Variants in CAMK1D observed in about 807,000 individuals in gnomAD.
The protein encoded by CAMK1D is calcium/calmodulin-dependent protein kinase type 1D.
CAMK1D carries 9 observed loss-of-function variants against 47.7 expected under a neutral mutation model. The observed-to-expected ratio is 0.19, with a 90% CI of 0.11 to 0.33. CAMK1D has a LOEUF of 0.33. Among genes scored for constraint, CAMK1D ranks in the 10% least tolerant of loss-of-function variants. The probability of loss-of-function intolerance (pLI) is 1.00; values close to 1 mark genes in which losing one functional copy is unlikely to be tolerated. For missense variants in CAMK1D, 291 were observed against 488.7 expected (o/e 0.60, Z 3.81); for synonymous variants, 184 against 184.9 (o/e 0.99, Z 0.04).
chr10:12,732,986 G>A (rs1407225446), intron 3 of CAMK1D, among the ~76,000 whole-genome samples: 2 of 152,068 alleles, frequency 1.3e-5, no homozygotes, highest in African/African-American at 4.8e-5. Flanking sequence ...CAGTTCTGAG[G>A]GTTAAATAAG....
intron 2 of CAMK1D, among the ~76,000 whole-genome samples, chr10:12,595,496 G>A (rs1838121903): frequency 6.6e-6 from 1 of 152,090 alleles, no homozygotes; most frequent in Non-Finnish European, 1.5e-5. Flanking sequence ...ATGAACTTGG[G>A]CCTGGTCCCT....
At chr10:12,359,792 A>C (rs973435030) in intron 1 of CAMK1D, among the ~76,000 whole-genome samples, 3 of 152,086 alleles carry the variant, frequency 2.0e-5, no homozygotes, top group African/African-American at 7.2e-5. Context: ...GTAGTTTAAA[A>C]CCTATAGGTA....
chr10:12,457,779 CAA>C (rs5783269), intron 1 of CAMK1D, among the ~76,000 whole-genome samples: 2,571 of 71,092 alleles, frequency 0.036, 60 homozygotes, highest in African/African-American at 0.11. Flanking sequence ...GACTCTGTCT[CAA>C]AAAAAAAAAA....
intron 6 of CAMK1D, among the ~76,000 whole-genome samples, chr10:12,798,934 G>A (rs577892531): frequency 1.3e-5 from 2 of 152,208 alleles, no homozygotes; most frequent in East Asian, 1.9e-4. Flanking sequence ...ACAGGAGCAG[G>A]GCATAGATGG....
rs138612448 is a variant in CAMK1D, at chr10:12,632,340, G to A, written c.225-34396G>A. On this transcript the variant is annotated intron_variant, in intron 2 of 10. Coordinates refer to ENST00000619168, the MANE Select transcript of CAMK1D (RefSeq NM_153498.4). ...CCAGGCAGGGGAATAGGAATGTCAC[G>A]GCCCTGAAAGGGTAAGAACTTTGGA... Among the ~76,000 whole-genome samples, 467 of 152,268 alleles carry A rather than the reference G, an allele frequency of 3.1e-3. 4 individuals carry two copies. Among genetic ancestry groups the A allele is most frequent in the Non-Finnish European group, 5.3e-3 (362 of 68,026 alleles).
chr10:12,751,497 T>C (rs1398506238), intron 3 of CAMK1D, among the ~76,000 whole-genome samples: 1 of 152,126 alleles, frequency 6.6e-6, no homozygotes. Context: ...TAAACAGCGG[T>C]AAATGAGGCA....
chr10:12,465,042 A>G (rs1433663994), intron 1 of CAMK1D, among the ~76,000 whole-genome samples: 2 of 152,176 alleles, frequency 1.3e-5, no homozygotes, highest in Non-Finnish European at 2.9e-5. Flanking sequence ...TCTGATGAGA[A>G]TGGTGGGTGA....
intron 1 of CAMK1D, among the ~76,000 whole-genome samples, chr10:12,362,997 G>C (rs1274488132): frequency 1.4e-5 from 2 of 145,926 alleles, no homozygotes; most frequent in Non-Finnish European, 1.5e-5. Context: ...CTAGAGTGCA[G>C]TGGTGCGATC....
intron 3 of CAMK1D, among the ~76,000 whole-genome samples, chr10:12,681,842 T>A (rs1268858339): frequency 3.9e-5 from 6 of 152,234 alleles, no homozygotes; most frequent in Non-Finnish European, 7.3e-5. Flanking sequence ...TAGCAAATAG[T>A]AATTATTGAA....
At chr10:12,442,002 A>C (rs1832796869) in intron 1 of CAMK1D, among the ~76,000 whole-genome samples, 1 of 152,158 alleles carries the variant, frequency 6.6e-6, no homozygotes, top group Non-Finnish European at 1.5e-5. Context: ...CTTGCACAAT[A>C]ATGTGGGGAA....
chr10:12,698,606 G>T (rs1833386574), intron 3 of CAMK1D, among the ~76,000 whole-genome samples: 1 of 151,556 alleles, frequency 6.6e-6, no homozygotes, highest in Non-Finnish European at 1.5e-5. Context: ...AGGGTCCTGG[G>T]AACTTAACCA....
chr10:12,433,047 G>A (rs996801836), intron 1 of CAMK1D, among the ~76,000 whole-genome samples: 3 of 152,212 alleles, frequency 2.0e-5, no homozygotes, highest in East Asian at 1.9e-4. Context: ...GATGTGTTCC[G>A]GGCATGGGAG....
chr10:12,474,906 C>G (rs1160742357), intron 1 of CAMK1D, among the ~76,000 whole-genome samples: 1 of 151,594 alleles, frequency 6.6e-6, no homozygotes, highest in Non-Finnish European at 1.5e-5. Flanking sequence ...CCGGCTCCAT[C>G]CATGTTCCTG....
At chr10:12,476,061 G>C (rs990332314) in intron 1 of CAMK1D, among the ~76,000 whole-genome samples, 2 of 148,652 alleles carry the variant, frequency 1.3e-5, no homozygotes, top group African/African-American at 5.2e-5. Context: ...GGGAGGCCGA[G>C]GGGGGGCGGA....
At chr10:12,671,085 A>G (rs1021700895) in intron 3 of CAMK1D, among the ~76,000 whole-genome samples, 1 of 152,180 alleles carries the variant, frequency 6.6e-6, no homozygotes, top group Non-Finnish European at 1.5e-5. Flanking sequence ...TCTCTCTCTC[A>G]GCTTATTGAT....
chr10:12,810,723 C>T (rs866323706), intron 6 of CAMK1D, among the ~76,000 whole-genome samples: 10 of 152,330 alleles, frequency 6.6e-5, no homozygotes, highest in East Asian at 1.9e-4. Context: ...TTGACTTCAA[C>T]GCCCGAAGTT....
intron 2 of CAMK1D, among the ~76,000 whole-genome samples, chr10:12,578,502 G>A (rs535279010): frequency 6.4e-4 from 95 of 149,392 alleles, no homozygotes; most frequent in Middle Eastern, 3.5e-3. Context: ...CCCGGGAGGC[G>A]GAGGTTGCTA....
chr10:12,674,805 G>A (rs183685821), intron 3 of CAMK1D, among the ~76,000 whole-genome samples: 15 of 151,520 alleles, frequency 9.9e-5, no homozygotes, highest in African/African-American at 3.1e-4. Flanking sequence ...AGGCTGAGGC[G>A]GGTGGATCAC....
rs1833823080 is a variant in CAMK1D at position 12,708,743 on chromosome 10, T to C, written c.299+41933T>C. Among the ~76,000 whole-genome samples, 3 of 152,352 alleles carry C rather than the reference T, an allele frequency of 2.0e-5. No individual in the cohort carries two copies. The South Asian group carries it at 6.2e-4, about 32-fold the overall frequency. On this transcript the variant is annotated intron_variant, in intron 3 of 10. Transcript: ENST00000619168. ...TTTCTTCTATTCATTTTGAGGTTGT[T>C]AGGGACTCTTTGGTAATAGGATCTT...
Sources: gnomAD v4.1 joint callset for allele counts (sites outside exome capture counted in the v4.1 genomes callset) on GRCh38, gnomAD v4.1.1 for gene constraint, MANE v1.5 for transcripts, NCBI Gene and HGNC (gene_info 2026-07-23, HGNC 2026-07-21) for gene names.